Variants in ST8SIA2 observed in about 807,000 individuals in gnomAD.
ST8SIA2 encodes the protein ST8 alpha-N-acetyl-neuraminide alpha-2,8-sialyltransferase 2.
Under a neutral mutation model 37.6 loss-of-function variants are expected in ST8SIA2, and 22 were observed. That is an observed-to-expected ratio of 0.58 (90% confidence interval 0.42 to 0.83). ST8SIA2 has a LOEUF of 0.83. ST8SIA2 is among the 40% of genes least tolerant of loss of function. The pLI is 0.00. For synonymous variants in ST8SIA2, 205 were observed against 201.2 expected, an observed-to-expected ratio of 1.02 and a Z score of -0.16; for missense variants, 382 against 484.7, an observed-to-expected ratio of 0.79 and a Z score of 1.99.
chr15:92,443,896 G>A (rs1019946139), intron 4 of ST8SIA2, among the ~76,000 whole-genome samples: 2 of 152,098 alleles, frequency 1.3e-5, no homozygotes, highest in African/African-American at 4.8e-5. Flanking sequence ...AGGAACCCGG[G>A]AATCTATATT....
chr15:92,438,732 C>A, intron 4 of ST8SIA2, 122 bp downstream of exon 4: 1 of 1,333,030 alleles, frequency 7.5e-7, no homozygotes, highest in Non-Finnish European at 1.0e-6. Context: ...CCCCTGCTCT[C>A]AACCATGACT....
chr15:92,439,889 C>T (rs992567734), intron 4 of ST8SIA2, among the ~76,000 whole-genome samples: 3 of 151,936 alleles, frequency 2.0e-5, no homozygotes, highest in Admixed American at 2.0e-4. Flanking sequence ...TGTGTGGGGG[C>T]CAAGGCCTCC....
chr15:92,451,199 G>C (rs992476577), intron 5 of ST8SIA2, among the ~76,000 whole-genome samples: 26 of 152,162 alleles, frequency 1.7e-4, no homozygotes, highest in African/African-American at 5.8e-4. Context: ...GCATTCTCTC[G>C]CTCTAATGTG....
At chr15:92,432,960 A>G (rs1007753209) in intron 2 of ST8SIA2, among the ~76,000 whole-genome samples, 1 of 152,056 alleles carries the variant, frequency 6.6e-6, no homozygotes, top group African/African-American at 2.4e-5. Flanking sequence ...GCGAAACCCC[A>G]TCTTTACTAA....
intron 1 of ST8SIA2, among the ~76,000 whole-genome samples, chr15:92,427,652 A>G (rs1018830306): frequency 6.6e-6 from 1 of 152,054 alleles, no homozygotes; most frequent in Non-Finnish European, 1.5e-5. Flanking sequence ...TGTTCTTACC[A>G]GTTTCTTGTG....
At chr15:92,448,790 G>T (rs2049861171) in intron 5 of ST8SIA2, among the ~76,000 whole-genome samples, 1 of 152,176 alleles carries the variant, frequency 6.6e-6, no homozygotes, top group South Asian at 2.1e-4. Flanking sequence ...ACAGGACTCT[G>T]TAGTAGTCAG....
intron 5 of ST8SIA2, among the ~76,000 whole-genome samples, chr15:92,454,951 G>A (rs891320952): frequency 2.0e-5 from 3 of 152,000 alleles, no homozygotes; most frequent in Admixed American, 1.3e-4. Flanking sequence ...TGCAGACAAG[G>A]CCTGTGAATT....
chr15:92,431,131 A>T (rs2049712520), intron 2 of ST8SIA2, among the ~76,000 whole-genome samples: 1 of 152,210 alleles, frequency 6.6e-6, no homozygotes, highest in South Asian at 2.1e-4. Context: ...GGCAGAAAGA[A>T]AGAAGGCCAT....
At chr15:92,416,425 C>G (rs964015917) in intron 1 of ST8SIA2, among the ~76,000 whole-genome samples, 23 of 152,008 alleles carry the variant, frequency 1.5e-4, no homozygotes, top group Admixed American at 1.0e-3. Flanking sequence ...AGAGGCAGAT[C>G]AGACACCGAG....
intron 1 of ST8SIA2, among the ~76,000 whole-genome samples, chr15:92,413,007 T>C (rs940276978): frequency 6.6e-6 from 1 of 151,196 alleles, no homozygotes; most frequent in African/African-American, 2.4e-5. Context: ...TAGGTGTTTA[T>C]AGCTCTGTTC....
chr15:92,440,383 T>C (rs1181646019), intron 4 of ST8SIA2, among the ~76,000 whole-genome samples: 1 of 152,090 alleles, frequency 6.6e-6, no homozygotes, highest in African/African-American at 2.4e-5. Flanking sequence ...AACTCAGCAT[T>C]TCTAACAAGC....
At chr15:92,451,349 A>T (rs2049880687) in intron 5 of ST8SIA2, among the ~76,000 whole-genome samples, 1 of 152,204 alleles carries the variant, frequency 6.6e-6, no homozygotes, top group African/African-American at 2.4e-5. Context: ...ACACGTGCAC[A>T]CACTGCAGTT....
At chr15:92,418,585 A>C (rs1045473337) in intron 1 of ST8SIA2, among the ~76,000 whole-genome samples, 1 of 152,204 alleles carries the variant, frequency 6.6e-6, no homozygotes, top group East Asian at 1.9e-4. Flanking sequence ...TAAGGAAGAG[A>C]CAGGCAAGAG....
chr15:92,407,365 A>G (rs1214445011), intron 1 of ST8SIA2, among the ~76,000 whole-genome samples: 2 of 152,254 alleles, frequency 1.3e-5, no homozygotes, highest in Admixed American at 6.5e-5. Flanking sequence ...GATTTATTAC[A>G]TAAGTCCAAG....
At chr15:92,459,198 T>G (rs1464208625) in intron 5 of ST8SIA2, among the ~76,000 whole-genome samples, 1 of 152,228 alleles carries the variant, frequency 6.6e-6, no homozygotes, top group Non-Finnish European at 1.5e-5. Flanking sequence ...ACTAAGACCT[T>G]GCTATCAGAA....
intron 1 of ST8SIA2, among the ~76,000 whole-genome samples, chr15:92,416,626 A>G (rs2049588997): frequency 6.6e-6 from 1 of 152,154 alleles, no homozygotes; most frequent in African/African-American, 2.4e-5. Context: ...CTGACAGAGC[A>G]GAGAGAACGT....
chr15:92,418,833 C>T (rs2049609042), intron 1 of ST8SIA2, among the ~76,000 whole-genome samples: 1 of 152,048 alleles, frequency 6.6e-6, no homozygotes, highest in Admixed American at 6.5e-5. Flanking sequence ...ACAGTAGGAT[C>T]AAGGAGGAAT....
chr15:92,410,823 G>A (rs2141809897), intron 1 of ST8SIA2, among the ~76,000 whole-genome samples: 1 of 152,298 alleles, frequency 6.6e-6, no homozygotes, highest in South Asian at 2.1e-4. Context: ...CCCTACCAAG[G>A]ACTAGGGATG....
intron 5 of ST8SIA2, among the ~76,000 whole-genome samples, chr15:92,458,529 C>G (rs571998989): frequency 6.6e-6 from 1 of 152,330 alleles, no homozygotes; most frequent in East Asian, 1.9e-4. Flanking sequence ...GGGGAGACCA[C>G]AGTACAGTTT....
Sources: gnomAD v4.1 joint callset for allele counts (sites outside exome capture counted in the v4.1 genomes callset) on GRCh38, gnomAD v4.1.1 for gene constraint, MANE v1.5 for transcripts, NCBI Gene and HGNC (gene_info 2026-07-23, HGNC 2026-07-21) for gene names.